The following RNLS variants were observed in gnomAD, a reference collection of about 807,000 sequenced individuals.
RNLS encodes renalase.
Under a neutral mutation model 39.8 loss-of-function variants are expected in RNLS, and 39 were observed. The ratio of observed to expected loss-of-function variants is 0.98; its 90% CI spans 0.76 to 1.28. RNLS has a LOEUF of 1.28. Among genes scored for constraint, RNLS ranks in the 50% most tolerant of loss-of-function variants. The probability of loss-of-function intolerance (pLI) is 0.00; values close to 1 mark genes in which losing one functional copy is unlikely to be tolerated. For missense variants in RNLS, 410 were observed against 413.3 expected, an observed-to-expected ratio of 0.99 and a Z score of 0.07; for synonymous variants, 147 against 150.7, an observed-to-expected ratio of 0.98 and a Z score of 0.18.
At chr10:88,518,158 A>G (rs963057924) in intron 4 of RNLS, among the ~76,000 whole-genome samples, 9 of 151,904 alleles carry the variant, frequency 5.9e-5, no homozygotes. Context: ...GCTTAAATAA[A>G]ATTTAAGCCC....
At chr10:88,427,010 A>G (rs149077675) in intron 4 of RNLS, among the ~76,000 whole-genome samples, 19 of 152,210 alleles carry the variant, frequency 1.2e-4, no homozygotes, top group East Asian at 3.9e-4. Context: ...AGTAACTAAT[A>G]AAAACAGTAT....
At chr10:88,570,222 T>G (rs1478541236) in intron 4 of RNLS, among the ~76,000 whole-genome samples, 1 of 152,156 alleles carries the variant, frequency 6.6e-6, no homozygotes, top group African/African-American at 2.4e-5. Flanking sequence ...AAATTCAGAT[T>G]TACATAAAAA....
chr10:88,554,209 A>G lies in RNLS; in HGVS notation c.526+18694T>C, dbSNP rs571921904. Among the ~76,000 whole-genome samples the G allele has an allele frequency of 2.6e-5, 4 of 152,074 alleles. No individual in the cohort carries two copies. The East Asian group carries it at 7.7e-4, about 29-fold the overall frequency. The stretch of plus-strand genomic sequence containing the variant: ...AAGCTGAACTTGGGCATGTTATTCT[A>G]TGTTCTTATTTGAAGTCCTTAATTT... On this transcript the variant is annotated intron_variant, in intron 4 of 6. Coordinates refer to ENST00000331772, the MANE Select transcript of RNLS (RefSeq NM_001031709.3).
chr10:88,358,945 T>C (rs1849410542), intron 5 of RNLS, among the ~76,000 whole-genome samples: 1 of 152,186 alleles, frequency 6.6e-6, no homozygotes, highest in Admixed American at 6.5e-5. Context: ...TGTATGTACA[T>C]TGTAGTATTA....
chr10:88,194,301 T>A, the RNLS span, among the ~76,000 whole-genome samples: 6 of 152,206 alleles, frequency 3.9e-5, no homozygotes, highest in African/African-American at 1.2e-4. Context: ...TCCCCCCTCA[T>A]GCTGAGATTG....
the RNLS span, among the ~76,000 whole-genome samples, chr10:88,185,651 T>C: frequency 6.6e-6 from 1 of 152,138 alleles, no homozygotes; most frequent in African/African-American, 2.4e-5. Flanking sequence ...TTATTTTCTT[T>C]ATTAAACAGA....
the RNLS span, among the ~76,000 whole-genome samples, chr10:88,217,358 G>A: frequency 6.6e-6 from 1 of 152,198 alleles, no homozygotes; most frequent in Admixed American, 6.5e-5. Context: ...CATCAGTTGG[G>A]TTAAAATATA....
chr10:88,535,548 C>T (rs1226018049), intron 4 of RNLS, among the ~76,000 whole-genome samples: 2 of 151,496 alleles, frequency 1.3e-5, no homozygotes, highest in African/African-American at 2.4e-5. Context: ...CGTTTACCTA[C>T]GTAACAAACC....
chr10:88,204,115 A>T, the RNLS span, among the ~76,000 whole-genome samples: 1 of 152,074 alleles, frequency 6.6e-6, no homozygotes, highest in African/African-American at 2.4e-5. Flanking sequence ...TCAGCAGGTC[A>T]CCCATCCTTA....
intron 4 of RNLS, among the ~76,000 whole-genome samples, chr10:88,418,037 A>C (rs1854144367): frequency 6.6e-6 from 1 of 151,822 alleles, no homozygotes; most frequent in Admixed American, 6.6e-5. Flanking sequence ...TTTAGTAAGA[A>C]TGTCCAGAAT....
At chr10:88,338,921 C>G (rs1025397937) in intron 5 of RNLS, among the ~76,000 whole-genome samples, 7 of 152,168 alleles carry the variant, frequency 4.6e-5, no homozygotes, top group Non-Finnish European at 7.4e-5. Context: ...GCCACCATGC[C>G]TGGCTAATTT....
At chr10:88,383,986 T>C (rs1250695509) in intron 4 of RNLS, among the ~76,000 whole-genome samples, 7 of 152,140 alleles carry the variant, frequency 4.6e-5, no homozygotes, top group African/African-American at 1.7e-4. Context: ...ATTTTTCTCA[T>C]CAGTAGACCT....
chr10:88,277,057 C>A (rs555340246), intron 6 of RNLS, among the ~76,000 whole-genome samples: 5 of 152,230 alleles, frequency 3.3e-5, no homozygotes, highest in Non-Finnish European at 7.4e-5. Context: ...TTCACAATAG[C>A]AAAGACTTGG....
intron 4 of RNLS, among the ~76,000 whole-genome samples, chr10:88,528,194 GAAGT>G (rs1330898270): frequency 2.0e-5 from 3 of 151,994 alleles, no homozygotes; most frequent in Non-Finnish European, 2.9e-5. Context: ...AGAAAAAAAA[GAAGT>G]TAGAAAAGGG....
At chr10:88,507,015 A>T (rs902523222) in intron 4 of RNLS, among the ~76,000 whole-genome samples, 1 of 101,002 alleles carries the variant, frequency 9.9e-6, no homozygotes, top group Non-Finnish European at 2.1e-5. Flanking sequence ...GAGGAAATGC[A>T]GAGAGTCAAT....
At chr10:88,299,497 C>T (rs772559953) in intron 6 of RNLS, among the ~76,000 whole-genome samples, 2 of 152,070 alleles carry the variant, frequency 1.3e-5, no homozygotes, top group African/African-American at 2.4e-5. Context: ...CCGTGGCGTG[C>T]GCCTGTAATC....
intron 4 of RNLS, among the ~76,000 whole-genome samples, chr10:88,501,633 T>C (rs1457881100): frequency 6.6e-6 from 1 of 152,158 alleles, no homozygotes; most frequent in East Asian, 1.9e-4. Flanking sequence ...TGAACCGCAA[T>C]GCGTTAGTTC....
At chr10:88,233,179 A>G in the RNLS span, among the ~76,000 whole-genome samples, 2 of 152,348 alleles carry the variant, frequency 1.3e-5, no homozygotes, top group African/African-American at 4.8e-5. Context: ...GTCTGCAAGC[A>G]ATTAGCGAAA....
intron 4 of RNLS, among the ~76,000 whole-genome samples, chr10:88,509,462 GAGA>G (rs1267337723): frequency 1.5e-5 from 2 of 136,614 alleles, no homozygotes; most frequent in Non-Finnish European, 3.1e-5. Flanking sequence ...AAAAAAAGGA[GAGA>G]AGAGGAGAGG....
Sources: allele counts gnomAD v4.1 joint callset (sites outside exome capture counted in the v4.1 genomes callset), GRCh38; gene constraint gnomAD v4.1.1; transcripts MANE v1.5; gene names NCBI Gene and HGNC (gene_info 2026-07-23, HGNC 2026-07-21).